CDH6: variants seen among roughly 807,000 people sequenced by gnomAD.
CDH6 encodes the protein cadherin-6.
A neutral mutation model predicts 78.0 loss-of-function variants in CDH6; 31 were observed. The ratio of observed to expected loss-of-function variants is 0.40; its 90% CI spans 0.30 to 0.54. CDH6 has a LOEUF of 0.54. Among genes scored for constraint, CDH6 ranks in the 20% least tolerant of loss-of-function variants. The pLI is 0.56. For synonymous variants in CDH6, 376 were observed against 368.8 expected (o/e 1.02, Z -0.23); for missense variants, 724 against 975.9 (o/e 0.74, Z 3.44).
Position 31,272,425 on chromosome 5 carries a change from A to G in CDH6, c.228+4724A>G, listed in dbSNP as rs545668112. ...AAATAGAGGGAAGCCTTATAATTCC[A>G]CATTTTCAGAGATCCCTGTAACTCT... On this transcript the variant is annotated intron_variant, in intron 2 of 11. Coordinates refer to ENST00000265071, the MANE Select transcript of CDH6 (RefSeq NM_004932.4). 4.6e-5 allele frequency among the ~76,000 whole-genome samples: 7 copies of G among 152,348 alleles called. 1 individual carries two copies. Among genetic ancestry groups the G allele is most frequent in the African/African-American group, 1.7e-4 (7 of 41,574 alleles).
intron 8 of CDH6, among the ~76,000 whole-genome samples, chr5:31,315,721 C>T (rs1213018587): frequency 6.6e-6 from 1 of 152,190 alleles, no homozygotes; most frequent in Non-Finnish European, 1.5e-5. Context: ...GTACCTCTGT[C>T]TACCTCAGAA....
chr5:31,280,920 T>C (rs1308347874), intron 2 of CDH6, among the ~76,000 whole-genome samples: 1 of 150,096 alleles, frequency 6.7e-6, no homozygotes, highest in Non-Finnish European at 1.5e-5. Flanking sequence ...AAAAAAAAAC[T>C]AATAAATGAG....
intron 2 of CDH6, among the ~76,000 whole-genome samples, chr5:31,281,656 G>C (rs1190897168): frequency 6.6e-6 from 1 of 152,100 alleles, no homozygotes; most frequent in Non-Finnish European, 1.5e-5. Context: ...AAACTAAAAG[G>C]CATTTGTTTA....
chr5:31,304,439 C>A (rs1444751683), intron 6 of CDH6, among the ~76,000 whole-genome samples: 1 of 152,122 alleles, frequency 6.6e-6, no homozygotes, highest in African/African-American at 2.4e-5. Context: ...GTAATCCCAG[C>A]ACTTTGGGAG....
chr5:31,224,015 C>G (rs975550331), intron 1 of CDH6, among the ~76,000 whole-genome samples: 1 of 152,156 alleles, frequency 6.6e-6, no homozygotes, highest in Non-Finnish European at 1.5e-5. Flanking sequence ...CATTATGACA[C>G]TATCTCATTT....
chr5:31,302,349 C>T, intron 6 of CDH6, 51 bp downstream of exon 6: 1 of 1,378,200 alleles, frequency 7.3e-7, no homozygotes, highest in Non-Finnish European at 1.0e-6. Flanking sequence ...TACTTTTCTC[C>T]AGTTCCTAAG....
At chr5:31,234,457 C>A (rs2111860478) in intron 1 of CDH6, among the ~76,000 whole-genome samples, 1 of 152,260 alleles carries the variant, frequency 6.6e-6, no homozygotes, top group South Asian at 2.1e-4. Flanking sequence ...AAGGTATCCA[C>A]AGAGTAACTA....
At chr5:31,229,063 G>C (rs572769000) in intron 1 of CDH6, among the ~76,000 whole-genome samples, 1 of 152,154 alleles carries the variant, frequency 6.6e-6, no homozygotes, top group African/African-American at 2.4e-5. Flanking sequence ...CTAATTACCC[G>C]TCATACTAAC....
At chr5:31,218,083 T>C (rs952761771) in intron 1 of CDH6, among the ~76,000 whole-genome samples, 2 of 152,182 alleles carry the variant, frequency 1.3e-5, no homozygotes, top group Non-Finnish European at 2.9e-5. Flanking sequence ...AAAATGGCAT[T>C]ATTATTATAA....
At chr5:31,237,279 C>G (rs939599285) in intron 1 of CDH6, among the ~76,000 whole-genome samples, 1 of 152,042 alleles carries the variant, frequency 6.6e-6, no homozygotes, top group Non-Finnish European at 1.5e-5. Context: ...GGGCATTGCA[C>G]GAGGTAAGCA....
chr5:31,203,293 T>A (rs1430531203), intron 1 of CDH6, among the ~76,000 whole-genome samples: 1 of 146,994 alleles, frequency 6.8e-6, no homozygotes, highest in Non-Finnish European at 1.5e-5. Flanking sequence ...CATGTGCACA[T>A]TGTGCAGGTT....
chr5:31,214,932 A>G (rs1007342846), intron 1 of CDH6, among the ~76,000 whole-genome samples: 4 of 152,158 alleles, frequency 2.6e-5, no homozygotes, highest in Non-Finnish European at 5.9e-5. Flanking sequence ...TCTAGTTTCT[A>G]TGATTGAAAT....
chr5:31,209,243 C>T (rs1308049429), intron 1 of CDH6, among the ~76,000 whole-genome samples: 1 of 152,076 alleles, frequency 6.6e-6, no homozygotes, highest in East Asian at 1.9e-4. Context: ...TGCATCTCAC[C>T]ACTGTGGGAA....
chr5:31,255,684 T>G, intron 1 of CDH6, among the ~76,000 whole-genome samples: 1 of 152,232 alleles, frequency 6.6e-6, no homozygotes, highest in Non-Finnish European at 1.5e-5. Flanking sequence ...AGCCCCCTTC[T>G]GTCTTATTAA....
intron 11 of CDH6, 126 bp downstream of exon 11, chr5:31,318,050 T>C (rs773842896): frequency 8.8e-7 from 1 of 1,139,658 alleles, no homozygotes; most frequent in South Asian, 1.2e-5. Context: ...TCGAGTTACA[T>C]ACTGAGAATC....
intron 5 of CDH6, among the ~76,000 whole-genome samples, chr5:31,300,134 TGA>T (rs1737723683): frequency 6.6e-6 from 1 of 152,222 alleles, no homozygotes; most frequent in Non-Finnish European, 1.5e-5. Context: ...TATGGTTAGT[TGA>T]GATACCGAAA....
chr5:31,262,294 G>T (rs1742231089), intron 1 of CDH6, among the ~76,000 whole-genome samples: 1 of 152,194 alleles, frequency 6.6e-6, no homozygotes, highest in South Asian at 2.1e-4. Flanking sequence ...AAAGCTATGT[G>T]GGCCTTGCCC....
chr5:31,285,409 A>C (rs1323541731), intron 2 of CDH6, among the ~76,000 whole-genome samples: 3 of 152,192 alleles, frequency 2.0e-5, no homozygotes, highest in Admixed American at 6.5e-5. Flanking sequence ...AGTTCCTTCT[A>C]TGCTATTCTC....
chr5:31,293,682 A>G (rs1353539727), intron 2 of CDH6, among the ~76,000 whole-genome samples: 3 of 152,128 alleles, frequency 2.0e-5, no homozygotes, highest in Non-Finnish European at 4.4e-5. Flanking sequence ...CCACCTTGCT[A>G]TTGCTCTTGC....
Sources: allele counts gnomAD v4.1 joint callset (sites outside exome capture counted in the v4.1 genomes callset), GRCh38; gene constraint gnomAD v4.1.1; transcripts MANE v1.5; gene names NCBI Gene and HGNC (gene_info 2026-07-23, HGNC 2026-07-21).